The following SMAP1 variants were observed in gnomAD, a reference collection of about 807,000 sequenced individuals.
The protein encoded by SMAP1 is small ArfGAP 1.
Under a neutral mutation model 58.5 loss-of-function variants are expected in SMAP1, and 24 were observed. The ratio of observed to expected loss-of-function variants is 0.41; its 90% CI spans 0.30 to 0.58. The LOEUF is 0.58. Among genes scored for constraint, SMAP1 ranks in the 20% least tolerant of loss-of-function variants. The probability of loss-of-function intolerance (pLI) is 0.29; values close to 1 mark genes in which losing one functional copy is unlikely to be tolerated. For synonymous variants in SMAP1, 216 were observed against 196.6 expected, an observed-to-expected ratio of 1.10 and a Z score of -0.82; for missense variants, 563 against 566.3, an observed-to-expected ratio of 0.99 and a Z score of 0.06.
chr6:70,702,976 A>G (rs557760214), intron 1 of SMAP1, among the ~76,000 whole-genome samples: 4 of 152,232 alleles, frequency 2.6e-5, no homozygotes, highest in African/African-American at 9.6e-5. Flanking sequence ...ATAGAAGTCA[A>G]TGATAATGGA....
chr6:70,732,354 T>A (rs1424090800), intron 1 of SMAP1, 24 bp from the exon 2 acceptor site: 8 of 1,593,764 alleles, frequency 5.0e-6, no homozygotes, highest in Non-Finnish European at 6.8e-6. Flanking sequence ...TTGCTTTTTT[T>A]TGTGGTTTCT....
At position 70,860,418 on chromosome 6, in the gene SMAP1, A is replaced by ATATT. The variant is rs1771665780; in HGVS notation, c.*86_*89dup. On this transcript the variant is annotated 3_prime_UTR_variant, in exon 11 of 11. Transcript: ENST00000370455. Reference sequence around the variant, plus strand: ...CTAGTTCCCCTGTTTATTCATATGCATATTTTTTTTCTTTTTACCCATTTG... The same window carrying ATATT: ...CTAGTTCCCCTGTTTATTCATATGCATATTTATTTTTTTTCTTTTTACCCATTTG... 3.4e-6 allele frequency: 5 copies of ATATT among 1,487,772 alleles called. No homozygotes were observed. Among genetic ancestry groups the ATATT allele is most frequent in the Non-Finnish European group, 9.0e-7 (1 of 1,109,740 alleles). 92.2% of individuals were successfully genotyped at this position (1,487,772 alleles called of 1,614,324 possible).
chr6:70,809,130 A>G (rs980498985), intron 6 of SMAP1, among the ~76,000 whole-genome samples: 2 of 152,202 alleles, frequency 1.3e-5, no homozygotes, highest in African/African-American at 4.8e-5. Flanking sequence ...CACAAAGTAT[A>G]TAAAAGTAGA....
intron 1 of SMAP1, among the ~76,000 whole-genome samples, chr6:70,692,790 G>A (rs936208452): frequency 6.6e-6 from 1 of 151,914 alleles, no homozygotes; most frequent in African/African-American, 2.4e-5. Flanking sequence ...TCTATTTTTT[G>A]TTGTTGTTTT....
At chr6:70,770,887 C>G (rs1020712663) in intron 3 of SMAP1, among the ~76,000 whole-genome samples, 3 of 152,122 alleles carry the variant, frequency 2.0e-5, no homozygotes, top group Non-Finnish European at 4.4e-5. Context: ...GTTTTATCTA[C>G]TTTTGGTCTT....
At chr6:70,823,410 C>T (rs1769979219) in intron 6 of SMAP1, among the ~76,000 whole-genome samples, 1 of 152,100 alleles carries the variant, frequency 6.6e-6, no homozygotes, top group African/African-American at 2.4e-5. Flanking sequence ...TGGGTATTTT[C>T]CTTCCTCTAG....
intron 1 of SMAP1, among the ~76,000 whole-genome samples, chr6:70,720,449 ATTC>A (rs1297858476): frequency 1.3e-5 from 2 of 152,096 alleles, no homozygotes; most frequent in Non-Finnish European, 2.9e-5. Context: ...TGGATCTACC[ATTC>A]TGGGATCTGG....
At chr6:70,699,874 C>A in intron 1 of SMAP1, among the ~76,000 whole-genome samples, 1 of 151,940 alleles carries the variant, frequency 6.6e-6, no homozygotes, top group South Asian at 2.1e-4. Context: ...ATCCTAGGAG[C>A]CTGCTTGGTG....
At chr6:70,807,009 G>A (rs1769163022) in intron 6 of SMAP1, among the ~76,000 whole-genome samples, 1 of 152,136 alleles carries the variant, frequency 6.6e-6, no homozygotes, top group Non-Finnish European at 1.5e-5. Context: ...GCAATTTAAA[G>A]TGCTGTTGTA....
Position 70,820,230 on chromosome 6 carries a change from AT to A in SMAP1, c.577-16710del, listed in dbSNP as rs1183592114. Among the ~76,000 whole-genome samples the A allele has an allele frequency of 5.9e-4, 90 of 152,324 alleles. 1 individual carries two copies. Among genetic ancestry groups the A allele is most frequent in the African/African-American group, 2.2e-3 (90 of 41,580 alleles). On this transcript the variant is annotated intron_variant, in intron 6 of 10. Transcript: ENST00000370455. ...GGAATATCTTCTTTTGATTAAATAT[AT>A]AAGCATTATATGTATTGGATGTATC...
chr6:70,827,063 G>A (rs1338734684), intron 6 of SMAP1, among the ~76,000 whole-genome samples: 1 of 152,004 alleles, frequency 6.6e-6, no homozygotes, highest in Non-Finnish European at 1.5e-5. Context: ...AGACAGGTGG[G>A]CCTGATGATC....
intron 4 of SMAP1, among the ~76,000 whole-genome samples, chr6:70,785,787 C>A (rs868292725): frequency 2.6e-5 from 4 of 152,136 alleles, no homozygotes; most frequent in African/African-American, 4.8e-5. Context: ...CAATAACAGG[C>A]TCTGAAATTG....
intron 6 of SMAP1, among the ~76,000 whole-genome samples, chr6:70,803,535 A>G (rs1352496044): frequency 6.6e-6 from 1 of 151,936 alleles, no homozygotes; most frequent in Non-Finnish European, 1.5e-5. Flanking sequence ...GCCTTCTACT[A>G]GCTTTTGAAT....
intron 4 of SMAP1, among the ~76,000 whole-genome samples, chr6:70,789,224 A>G (rs1401280977): frequency 6.6e-6 from 1 of 152,162 alleles, no homozygotes; most frequent in Non-Finnish European, 1.5e-5. Flanking sequence ...TAGATATTTT[A>G]AGGTACAGAT....
At chr6:70,724,163 GTT>G (rs1245908417) in intron 1 of SMAP1, among the ~76,000 whole-genome samples, 1 of 147,860 alleles carries the variant, frequency 6.8e-6, no homozygotes, top group East Asian at 2.0e-4. Flanking sequence ...TGTTGTTGTT[GTT>G]TTTTTGTTTT....
rs889130049 is a variant in SMAP1 at position 70,833,784 on chromosome 6, T to G, written c.577-3157T>G. 3.3e-5 allele frequency among the ~76,000 whole-genome samples: 5 copies of G among 152,206 alleles called. No homozygotes were observed. In the East Asian group the frequency reaches 9.6e-4, roughly 29 times the overall value. On this transcript the variant is annotated intron_variant, in intron 6 of 10. Coordinates refer to ENST00000370455, the MANE Select transcript of SMAP1 (RefSeq NM_001044305.3). ...TACTCTATTTTCTATTCTGTATCAT[T>G]TTTATATGCCAAAAAAAGTTTCGTT...
chr6:70,715,658 G>T (rs1768237562), intron 1 of SMAP1, among the ~76,000 whole-genome samples: 1 of 152,218 alleles, frequency 6.6e-6, no homozygotes, highest in Non-Finnish European at 1.5e-5. Flanking sequence ...TGGGATGGTG[G>T]AGTAGGGTAG....
intron 3 of SMAP1, among the ~76,000 whole-genome samples, chr6:70,766,818 G>C (rs1464149743): frequency 3.3e-5 from 5 of 152,126 alleles, no homozygotes; most frequent in Non-Finnish European, 7.4e-5. Flanking sequence ...TGAAGTCCTT[G>C]CCCATGCCTA....
chr6:70,825,604 A>T (rs1175845181), intron 6 of SMAP1, among the ~76,000 whole-genome samples: 1 of 152,172 alleles, frequency 6.6e-6, no homozygotes, highest in Non-Finnish European at 1.5e-5. Context: ...CAATCCATAG[A>T]GTCTTACGAA....
Sources: gnomAD v4.1 joint callset for allele counts (sites outside exome capture counted in the v4.1 genomes callset) on GRCh38, gnomAD v4.1.1 for gene constraint, MANE v1.5 for transcripts, NCBI Gene and HGNC (gene_info 2026-07-23, HGNC 2026-07-21) for gene names.